The following TNFAIP2 variants were observed in gnomAD, a reference collection of about 807,000 sequenced individuals.
TNFAIP2 encodes the protein TNF alpha induced protein 2, also known as tumor necrosis factor alpha-induced protein 2.
In TNFAIP2, 47 loss-of-function variants were observed where a neutral mutation model predicts 63.5. The observed-to-expected ratio is 0.74, with a 90% confidence interval of 0.59 to 0.94. The LOEUF is 0.94. Ranked by LOEUF, TNFAIP2 falls within the 40% of genes least tolerant of loss-of-function variation. The pLI, the probability that TNFAIP2 is intolerant of heterozygous loss-of-function variation, is 0.00. For missense variants in TNFAIP2, 787 were observed against 850.2 expected, an observed-to-expected ratio of 0.93 and a Z score of 0.92; for synonymous variants, 405 against 390.2, an observed-to-expected ratio of 1.04 and a Z score of -0.45.
Position 103,135,561 on chromosome 14 carries a change from G to A in TNFAIP2, c.*201G>A, listed in dbSNP as rs1278969533. 17 of 1,430,930 alleles carry A rather than the reference G, an allele frequency of 1.2e-5. No individual in the cohort carries two copies. Among genetic ancestry groups the A allele is most frequent in the Admixed American group, 2.9e-5 (1 of 34,540 alleles). 88.6% of individuals were successfully genotyped at this position (1,430,930 alleles called of 1,614,324 possible). A position where few individuals can be genotyped will look rare whatever the true frequency, so the allele number is the denominator to read the frequency against. On this transcript the variant is annotated 3_prime_UTR_variant, in exon 12 of 12. Coordinates refer to ENST00000560869, the MANE Select transcript of TNFAIP2 (RefSeq NM_006291.4). The surrounding 1 kb of genome is among the most constrained non-coding windows in gnomAD (Gnocchi z 7.6). ...TTGGTTTGTTTACATGTCCGATGGGGGCAGGAGCTCCCATCCTGGGCAGCC... is the reference window on the plus strand; with the variant it reads ...TTGGTTTGTTTACATGTCCGATGGGAGCAGGAGCTCCCATCCTGGGCAGCC...
intron 5 of TNFAIP2, 83 bp downstream of exon 5, chr14:103,130,207 C>T (rs2087943846): frequency 6.4e-7 from 1 of 1,554,330 alleles, no homozygotes; most frequent in Admixed American, 1.8e-5. Flanking sequence ...TGTGTGCATA[C>T]CCATGCCCAC....
chr14:103,128,023 C>T (rs765728411), intron 3 of TNFAIP2, among the ~76,000 whole-genome samples: 22 of 152,138 alleles, frequency 1.4e-4, no homozygotes, highest in African/African-American at 4.6e-4. Context: ...GGCCAGGCCC[C>T]GTGCAGAGCA....
Position 103,130,091 on chromosome 14 carries a change from C to G in TNFAIP2, c.1065C>G (p.His355Gln). The G allele has an allele frequency of 6.2e-7, 1 of 1,613,476 alleles. No individual in the cohort carries two copies. The highest frequency in any genetic ancestry group is 8.5e-7 in the Non-Finnish European group (1 of 1,179,850). The change falls in exon 5 of 12, where the codon CAC (histidine) becomes CAG (glutamine). Residue 355 changes from histidine (H) to glutamine (Q), a missense_variant. Physicochemically the swap from His to Gln is conservative, Grantham distance 24. Coordinates refer to ENST00000560869, the MANE Select transcript of TNFAIP2 (RefSeq NM_006291.4). ...TGCCTCCCCAGAGGCTGGACGGCCA[C>G]TGCCACAGCGAGCTGGCCATCGACA... ...EDVPPQRLDGHCHSELAIDII... is the reference protein window; with the variant it reads ...EDVPPQRLDGQCHSELAIDII...
At chr14:103,126,953 G>T (rs964166967) in intron 2 of TNFAIP2, 52 bp from the exon 3 acceptor site, 409 of 1,283,678 alleles carry the variant, frequency 3.2e-4, no homozygotes, top group Non-Finnish European at 4.0e-4. Context: ...TGGCCGCCCC[G>T]CCCGGTGGGC....
Position 103,127,288 on chromosome 14 carries a change from G to A in TNFAIP2, c.519G>A (p.Pro173=), listed in dbSNP as rs1472612234. ...REDRQAAAAG[P]GTSGLAATRP... ...ACCGCCAGGCGGCGGCGGCGGGGCC[G>A]GGGACCTCGGGGCTGGCGGCCACGC... The change falls in exon 3 of 12, where the codon CCG becomes CCA. Residue 173 remains proline, a synonymous_variant. Coordinates refer to ENST00000560869, the MANE Select transcript of TNFAIP2 (RefSeq NM_006291.4). The surrounding 1 kb of genome is among the most constrained non-coding windows in gnomAD (Gnocchi z 5.1). The A allele has an allele frequency of 4.0e-6, 4 of 988,928 alleles. No homozygotes were observed. The highest frequency in any genetic ancestry group is 4.8e-6 in the Non-Finnish European group (4 of 833,892). 61.3% of individuals were successfully genotyped at this position (988,928 alleles called of 1,614,324 possible).
At chr14:103,123,189 C>G (rs2087780420), upstream of TNFAIP2, among the ~76,000 whole-genome samples, 1 of 152,140 alleles carries the variant, frequency 6.6e-6, no homozygotes, top group South Asian at 2.1e-4. Flanking sequence ...CCGTCGTCCC[C>G]GTGCCGTCCC....
rs2088079121 is a variant in TNFAIP2, at chr14:103,135,626, A to G, written c.*266A>G. ...AAGGACTCTTTGTAAACGATAGCTG[A>G]TCGTGTGCACGCAAGGAAAGAACCA... On this transcript the variant is annotated 3_prime_UTR_variant, in exon 12 of 12. Transcript: ENST00000560869. The surrounding 1 kb of genome is among the most constrained non-coding windows in gnomAD (Gnocchi z 7.6). 1 of 1,349,238 alleles carries G rather than the reference A, an allele frequency of 7.4e-7. No homozygotes were observed. Among genetic ancestry groups the G allele is most frequent in the African/African-American group, 1.5e-5 (1 of 67,676 alleles). The allele number at this position is 1,349,238 out of a possible 1,614,324, so 83.6% of individuals were successfully genotyped here.
Position 103,135,209 on chromosome 14 carries a change from TC to T in TNFAIP2, c.1824-9del. On this transcript the variant is annotated splice_polypyrimidine_tract_variant and intron_variant, in intron 11 of 11. Transcript: ENST00000560869. This position sits in a 1 kb window ranked among gnomAD's most constrained non-coding sequence, Gnocchi z 7.6. ...GACAGGCTGGGCTGACAGGATGCTC[TC>T]TTTGCCAGCAAAGGCCACCTGAGCG... 6.2e-7 allele frequency: 1 copy of T among 1,613,736 alleles called. No homozygotes were observed. Among genetic ancestry groups the T allele is most frequent in the Non-Finnish European group, 8.5e-7 (1 of 1,179,996 alleles).
At chr14:103,121,931 G>A (rs2139537427), upstream of TNFAIP2, among the ~76,000 whole-genome samples, 1 of 152,252 alleles carries the variant, frequency 6.6e-6, no homozygotes. Flanking sequence ...AGAGGCTTGT[G>A]GGGATTGCAC....
In TNFAIP2 at chr14:103,135,281, G is replaced by T; in HGVS notation, c.1886G>T (p.Arg629Leu). 2.5e-6 allele frequency: 4 copies of T among 1,614,008 alleles called. No homozygotes were observed. Among genetic ancestry groups the T allele is most frequent in the Non-Finnish European group, 2.5e-6 (3 of 1,179,994 alleles). Residue 629 changes from arginine to leucine, a missense_variant, in exon 12 of 12, where the codon CGC becomes CTC. Physicochemically the swap from Arg to Leu is moderately radical, Grantham distance 102. Around this residue, in one of 3 missense-constraint regions of TNFAIP2, gnomAD observed 523 missense variants for 604.1 expected, o/e 0.87. Coordinates refer to ENST00000560869, the MANE Select transcript of TNFAIP2 (RefSeq NM_006291.4). The surrounding 1 kb of genome is among the most constrained non-coding windows in gnomAD (Gnocchi z 7.6). The stretch of plus-strand genomic sequence containing the variant: ...AACCTATCCAACAGTGAGGTCAAGC[G>T]CATCCGGAGCATCTTGGACGTCAGC... ...KGNLSNSEVK[R>L]IRSILDVSMG...
rs766354563 is a variant in TNFAIP2, at chr14:103,131,137, T to G, written c.1285T>G (p.Cys429Gly). Residue 429 changes from cysteine to glycine, a missense_variant, in exon 7 of 12, where the codon TGC (cysteine) becomes GGC (glycine). Around this residue, in one of 3 missense-constraint regions of TNFAIP2, gnomAD observed 523 missense variants for 604.1 expected, o/e 0.87. Transcript: ENST00000560869. This position sits in a 1 kb window ranked among gnomAD's most constrained non-coding sequence, Gnocchi z 4.0. ...CAATGTTATTGCCAACATCAACAAC[T>G]GCCTGTCCTTCCGGTGAGAGTGTTG... ...RANVIANINN[C>G]LSFRMSMEQN... is the part of the protein sequence containing the mutation. The G allele has an allele frequency of 4.3e-6, 7 of 1,614,160 alleles. No homozygotes were observed. Among genetic ancestry groups the G allele is most frequent in the Non-Finnish European group, 5.9e-6 (7 of 1,180,008 alleles).
intron 8 of TNFAIP2, 65 bp from the exon 9 acceptor site, chr14:103,132,685 G>A (rs772105025): frequency 4.0e-5 from 63 of 1,573,422 alleles, no homozygotes; most frequent in South Asian, 1.5e-4. Flanking sequence ...GCGTGTCTGC[G>A]TGTCTGCGGC....
Position 103,132,801 on chromosome 14 carries a change from C to G in TNFAIP2, c.1474C>G (p.Leu492Val). The change falls in exon 9 of 12, where the codon CTG (leucine) becomes GTG (valine). Residue 492 changes from leucine to valine, a missense_variant. Physicochemically the swap from Leu to Val is conservative, Grantham distance 32. Transcript: ENST00000560869. ...HTRWAAPVET[L>V]ENIIATVDTR... is the part of the protein sequence containing the mutation. ...CCGCTGGGCGGCCCCTGTGGAGACC[C>G]TGGAAAACATCATCGCCACTGTAGA... 1 of 1,614,044 alleles carries G rather than the reference C, an allele frequency of 6.2e-7. No homozygotes were observed.
rs1471988852 is a variant in TNFAIP2 at position 103,127,618 on chromosome 14, C to T, written c.849C>T (p.Asn283=). Reference sequence around the variant, plus strand: ...ACATGCTGCTGCTCTGGGTGCAGAACCTCTACCCCAAGTGAGCAGACCAGG... The same window carrying T: ...ACATGCTGCTGCTCTGGGTGCAGAATCTCTACCCCAAGTGAGCAGACCAGG... ...DTYMLLLWVQ[N]LYPNDIINSP... Residue 283 remains asparagine, a synonymous_variant, in exon 3 of 12, where the codon AAC becomes AAT. Coordinates refer to ENST00000560869, the MANE Select transcript of TNFAIP2 (RefSeq NM_006291.4). This position sits in a 1 kb window ranked among gnomAD's most constrained non-coding sequence, Gnocchi z 5.1. 1.3e-6 allele frequency: 2 copies of T among 1,503,490 alleles called. No individual in the cohort carries two copies. Among genetic ancestry groups the T allele is most frequent in the South Asian group, 2.5e-5 (2 of 80,232 alleles). The allele number at this position is 1,503,490 out of a possible 1,614,324, so 93.1% of individuals were successfully genotyped here.
Position 103,127,702 on chromosome 14 carries a change from G to A in TNFAIP2, c.860+73G>A. The A allele has an allele frequency of 1.4e-6, 2 of 1,395,216 alleles. No homozygotes were observed. The highest frequency in any genetic ancestry group is 1.9e-6 in the Non-Finnish European group (2 of 1,071,300). The allele number at this position is 1,395,216 out of a possible 1,614,324, so 86.4% of individuals were successfully genotyped here. A position where few individuals can be genotyped will look rare whatever the true frequency, so the allele number is the denominator to read the frequency against. ...TGTAGGAGGGGTGTCGAGGGGTGTC[G>A]AGGTGTGCCGCCGGCAGCTTTTAGT... On this transcript the variant is annotated intron_variant, in intron 3 of 11. Coordinates refer to ENST00000560869, the MANE Select transcript of TNFAIP2 (RefSeq NM_006291.4). The surrounding 1 kb of genome is among the most constrained non-coding windows in gnomAD (Gnocchi z 5.1).
chr14:103,131,092 C>T lies in TNFAIP2; in HGVS notation c.1240C>T (p.Gln414Ter). 6.2e-7 allele frequency: 1 copy of T among 1,614,216 alleles called. No homozygotes were observed. The highest frequency in any genetic ancestry group is 8.5e-7 in the Non-Finnish European group (1 of 1,180,042). Reference sequence around the variant, plus strand: ...TAATGAATTTCTGGAGAGAGGCAAGCAGCTGACGAATTACAGGGCCAATGT... The same window carrying T: ...TAATGAATTTCTGGAGAGAGGCAAGTAGCTGACGAATTACAGGGCCAATGT... The part of the protein sequence containing the change: ...AFNEFLERGK[Q>*]LTNYRANVIA... Residue 414 changes from glutamine to a stop codon, truncating the protein, a stop_gained, in exon 7 of 12, where the codon CAG (glutamine) becomes TAG (stop). Transcript: ENST00000560869. LOFTEE classifies it high-confidence loss of function. This position sits in a 1 kb window ranked among gnomAD's most constrained non-coding sequence, Gnocchi z 4.0.
intron 3 of TNFAIP2, among the ~76,000 whole-genome samples, chr14:103,128,583 G>A (rs2087908449): frequency 6.6e-6 from 1 of 152,156 alleles, no homozygotes; most frequent in Non-Finnish European, 1.5e-5. Flanking sequence ...TAGACAGTGT[G>A]GGCAGTGTCT....
At position 103,135,754 on chromosome 14, in the gene TNFAIP2, C is replaced by A. The variant is rs1269253890; in HGVS notation, c.*394C>A. On this transcript the variant is annotated 3_prime_UTR_variant, in exon 12 of 12. Transcript: ENST00000560869. The surrounding 1 kb of genome is among the most constrained non-coding windows in gnomAD (Gnocchi z 7.6). ...TCCTCCTCGTGGGTGGGGCCGAGGG[C>A]CCTCTTCAGCTCTCTGGAGACAGGG... 1.6e-6 allele frequency: 2 copies of A among 1,274,424 alleles called. No homozygotes were observed. Among genetic ancestry groups the A allele is most frequent in the East Asian group, 1.1e-4 (2 of 18,852 alleles). 78.9% of individuals were successfully genotyped at this position (1,274,424 alleles called of 1,614,324 possible).
At position 103,133,852 on chromosome 14, in the gene TNFAIP2, G is replaced by A. The variant is rs770707529; in HGVS notation, c.1823+49G>A. Reference sequence around the variant, plus strand: ...ACCACTGTCACATCACTGTGGCCAAGGCCTCACAGGGCTGGCATTGGGAAC... The same window carrying A: ...ACCACTGTCACATCACTGTGGCCAAAGCCTCACAGGGCTGGCATTGGGAAC... On this transcript the variant is annotated intron_variant, in intron 11 of 11. Coordinates refer to ENST00000560869, the MANE Select transcript of TNFAIP2 (RefSeq NM_006291.4). 1.9e-6 allele frequency: 3 copies of A among 1,539,650 alleles called. No homozygotes were observed. The South Asian group carries it at 3.6e-5, about 19-fold the overall frequency.
Sources: gnomAD v4.1 joint callset for allele counts (sites outside exome capture counted in the v4.1 genomes callset) on GRCh38, gnomAD v4.1.1 for gene constraint, gnomAD v4.1.1 regional missense constraint, Gnocchi (gnomAD v3.1) non-coding constraint, MANE v1.5 for transcripts, NCBI Gene and HGNC (gene_info 2026-07-23, HGNC 2026-07-21) for gene names.